The following KLHL25 variants were observed in gnomAD, a reference collection of about 807,000 sequenced individuals.
KLHL25 encodes the protein kelch like family member 25.
KLHL25 carries 41 observed loss-of-function variants against 30.0 expected under a neutral mutation model. That is an observed-to-expected ratio of 1.37 (90% CI 1.07 to 1.78). KLHL25 has a LOEUF of 1.78. KLHL25 is among the 40% of genes most tolerant of loss of function. The pLI, the probability that KLHL25 is intolerant of heterozygous loss-of-function variation, is 0.00. For missense variants in KLHL25, 971 were observed against 824.5 expected (o/e 1.18, Z -2.18); for synonymous variants, 399 against 355.3 (o/e 1.12, Z -1.38).
chr15:85,778,568 C>A (rs2089724988), intron 1 of KLHL25, among the ~76,000 whole-genome samples: 2 of 152,134 alleles, frequency 1.3e-5, no homozygotes, highest in Admixed American at 6.6e-5. Context: ...GGCAATTTGC[C>A]CAAAGCTACG....
chr15:85,777,096 C>A (rs1413671808), intron 1 of KLHL25, among the ~76,000 whole-genome samples: 2 of 152,196 alleles, frequency 1.3e-5, no homozygotes, highest in African/African-American at 4.8e-5. Flanking sequence ...GGCCCCCATG[C>A]CTCCTGCACA....
intron 1 of KLHL25, among the ~76,000 whole-genome samples, chr15:85,776,326 TA>T (rs1304036849): frequency 2.0e-5 from 3 of 151,192 alleles, no homozygotes; most frequent in Non-Finnish European, 4.4e-5. Flanking sequence ...CCATCTCTAC[TA>T]AAAGTATAAA....
intron 1 of KLHL25, among the ~76,000 whole-genome samples, chr15:85,773,960 C>A (rs940103474): frequency 1.3e-5 from 2 of 152,110 alleles, no homozygotes; most frequent in African/African-American, 4.8e-5. Context: ...TCCCTCCACC[C>A]CTTCCATCTA....
chr15:85,764,563 C>T (rs2089606177), intron 2 of KLHL25: 1 of 152,328 alleles, frequency 6.6e-6, no homozygotes, highest in Non-Finnish European at 1.5e-5. Context: ...TCTTGTGTGT[C>T]CGCTTCCTCA....
chr15:85,778,360 T>TA (rs2151810615), intron 1 of KLHL25, among the ~76,000 whole-genome samples: 1 of 152,254 alleles, frequency 6.6e-6, no homozygotes, highest in Admixed American at 6.5e-5. Flanking sequence ...ACTATTTCTG[T>TA]AAAAAATTTA....
chr15:85,791,762 C>A (rs2089818891), intron 1 of KLHL25, among the ~76,000 whole-genome samples: 1 of 152,166 alleles, frequency 6.6e-6, no homozygotes, highest in Admixed American at 6.5e-5. Flanking sequence ...CCACTTGGTG[C>A]CAGACCCCAT....
chr15:85,768,832 G>A lies in KLHL25; in HGVS notation c.979C>T (p.Pro327Ser). The A allele has an allele frequency of 6.2e-7, 1 of 1,613,352 alleles. No individual in the cohort carries two copies. Among genetic ancestry groups the A allele is most frequent in the Non-Finnish European group, 8.5e-7 (1 of 1,180,044 alleles). Residue 327 changes from proline (P) to serine (S), a missense_variant, in exon 2 of 3, where the codon CCC becomes TCC. Pro to Ser is a moderately conservative substitution (Grantham distance 74, BLOSUM62 -1). Coordinates refer to ENST00000337975, the MANE Select transcript of KLHL25 (RefSeq NM_022480.4). The stretch of plus-strand genomic sequence containing the variant: ...GCGCTGAACTCCTTCCGGGGGCTGG[G>A]CAGGTCGGCCTTGGGGATGATCTCC... Reference protein sequence around the residue: ...AKEIIPKADLPSPRKEFSASA... With the variant: ...AKEIIPKADLSSPRKEFSASA...
intron 1 of KLHL25, among the ~76,000 whole-genome samples, chr15:85,774,445 G>T (rs1380511668): frequency 1.3e-5 from 2 of 152,136 alleles, no homozygotes; most frequent in Non-Finnish European, 2.9e-5. Context: ...CACATCTTTG[G>T]AAAGTTAAAT....
At chr15:85,777,885 G>A (rs527329818) in intron 1 of KLHL25, among the ~76,000 whole-genome samples, 22 of 152,300 alleles carry the variant, frequency 1.4e-4, no homozygotes, top group African/African-American at 5.3e-4. Context: ...GCCAGGAAGG[G>A]AGCCAAATCA....
chr15:85,790,247 C>T (rs1199383879), intron 1 of KLHL25, among the ~76,000 whole-genome samples: 2 of 152,214 alleles, frequency 1.3e-5, no homozygotes, highest in Non-Finnish European at 2.9e-5. Context: ...AGCCACCACA[C>T]CCAGCTAATT....
intron 1 of KLHL25, among the ~76,000 whole-genome samples, chr15:85,776,188 A>G (rs2089708258): frequency 1.5e-5 from 2 of 134,108 alleles, no homozygotes; most frequent in South Asian, 2.5e-4. Context: ...AAAAAAAAAG[A>G]AAGAAAGAAA....
At chr15:85,792,500 G>A (rs1182755629) in intron 1 of KLHL25, among the ~76,000 whole-genome samples, 3 of 152,176 alleles carry the variant, frequency 2.0e-5, no homozygotes, top group African/African-American at 4.8e-5. Context: ...CTCAGACAAT[G>A]GGCTGGTCTT....
At chr15:85,767,429 C>T (rs191968364) in intron 2 of KLHL25, among the ~76,000 whole-genome samples, 1 of 152,310 alleles carries the variant, frequency 6.6e-6, no homozygotes, top group Non-Finnish European at 1.5e-5. Flanking sequence ...CATATCATCA[C>T]TCATCAGTGC....
chr15:85,768,103 T>C lies in KLHL25; in HGVS notation c.1708A>G (p.Thr570Ala). Reference protein sequence around the residue: ...PTSDTWNCITTVPYSLIPTAF... With the variant: ...PTSDTWNCITAVPYSLIPTAF... The stretch of plus-strand genomic sequence containing the variant: ...GTGGGGATAAGTGAGTAGGGCACTG[T>C]GGTGATGCAGTTCCATGTATCTGAA... The change falls in exon 2 of 3, where the codon ACA becomes GCA. Residue 570 changes from threonine (T) to alanine (A), a missense_variant. By Grantham distance (58) the Thr-to-Ala change is moderately conservative. Transcript: ENST00000337975. The C allele has an allele frequency of 6.2e-7, 1 of 1,614,158 alleles. No homozygotes were observed. The highest frequency in any genetic ancestry group is 8.5e-7 in the Non-Finnish European group (1 of 1,180,016).
chr15:85,769,319 C>G lies in KLHL25; in HGVS notation c.492G>C (p.Leu164=), dbSNP rs752940688. 4.3e-6 allele frequency: 7 copies of G among 1,614,012 alleles called. No homozygotes were observed. Among genetic ancestry groups the G allele is most frequent in the African/African-American group, 4.0e-5 (3 of 74,952 alleles). Residue 164 remains leucine (L), a synonymous_variant, in exon 2 of 3, where the codon CTG becomes CTC. Transcript: ENST00000337975. ...LLSDAHQCRR[L]YEFSWRMCLV... ...GGCACATGCGCCAGGAGAACTCATACAGCCGGCGGCACTGGTGGGCGTCCG... is the reference window on the plus strand; with the variant it reads ...GGCACATGCGCCAGGAGAACTCATAGAGCCGGCGGCACTGGTGGGCGTCCG...
Position 85,769,065 on chromosome 15 carries a change from G to A in KLHL25, c.746C>T (p.Ala249Val). ...ALLPSDCLQE[A>V]VSSEALLMAD... is the part of the protein sequence containing the mutation. The stretch of plus-strand genomic sequence containing the variant: ...CATGAGGAGGGCCTCGCTGGAGACG[G>A]CCTCCTGCAGGCAGTCGGACGGCAG... Residue 249 changes from alanine (A) to valine (V), a missense_variant, in exon 2 of 3, where the codon GCC becomes GTC. Ala to Val is a moderately conservative substitution (Grantham distance 64). Coordinates refer to ENST00000337975, the MANE Select transcript of KLHL25 (RefSeq NM_022480.4). 6.2e-7 allele frequency: 1 copy of A among 1,606,634 alleles called. No homozygotes were observed. Among genetic ancestry groups the A allele is most frequent in the Non-Finnish European group, 8.5e-7 (1 of 1,175,756 alleles).
At chr15:85,776,121 C>T (rs1282940263) in intron 1 of KLHL25, among the ~76,000 whole-genome samples, 13 of 150,530 alleles carry the variant, frequency 8.6e-5, no homozygotes, top group Admixed American at 3.3e-4. Context: ...TGCAGTGGGC[C>T]GAGATCACGC....
At chr15:85,778,631 A>G (rs2089725474) in intron 1 of KLHL25, among the ~76,000 whole-genome samples, 1 of 152,162 alleles carries the variant, frequency 6.6e-6, no homozygotes, top group Non-Finnish European at 1.5e-5. Flanking sequence ...TGTTCCCACA[A>G]CTACACTATG....
chr15:85,791,759 G>A (rs2089818851), intron 1 of KLHL25, among the ~76,000 whole-genome samples: 3 of 152,144 alleles, frequency 2.0e-5, no homozygotes, highest in Admixed American at 2.0e-4. Context: ...CACCCACTTG[G>A]TGCCAGACCC....
Sources: gnomAD v4.1 joint callset for allele counts (sites outside exome capture counted in the v4.1 genomes callset) on GRCh38, gnomAD v4.1.1 for gene constraint, MANE v1.5 for transcripts, NCBI Gene and HGNC (gene_info 2026-07-23, HGNC 2026-07-21) for gene names.